SAMSN1: variants seen among roughly 807,000 people sequenced by gnomAD.
SAMSN1 encodes the protein SAM domain-containing protein SAMSN-1.
A neutral mutation model predicts 42.0 loss-of-function variants in SAMSN1; 31 were observed. The ratio of observed to expected loss-of-function variants is 0.74; its 90% CI spans 0.55 to 1.00. The LOEUF is 1.00. Ranked by LOEUF, SAMSN1 falls within the 50% of genes least tolerant of loss-of-function variation. The probability of loss-of-function intolerance (pLI) is 0.00; values close to 1 mark genes in which losing one functional copy is unlikely to be tolerated. For synonymous variants in SAMSN1, 178 were observed against 151.9 expected (o/e 1.17, Z -1.26); for missense variants, 464 against 439.4 (o/e 1.06, Z -0.50).
chr21:14,505,837 C>T, intron 5 of SAMSN1, among the ~76,000 whole-genome samples: 1 of 152,184 alleles, frequency 6.6e-6, no homozygotes, highest in Non-Finnish European at 1.5e-5. Flanking sequence ...TAAGATAGAC[C>T]ATATGATAGG....
chr21:14,567,848 T>C (rs1981170736), intron 2 of SAMSN1, among the ~76,000 whole-genome samples: 1 of 152,082 alleles, frequency 6.6e-6, no homozygotes, highest in Non-Finnish European at 1.5e-5. Flanking sequence ...AAAATTCAAT[T>C]GCCTACTTTA....
At chr21:14,626,526 A>G (rs1983177640) in intron 2 of SAMSN1, among the ~76,000 whole-genome samples, 1 of 152,254 alleles carries the variant, frequency 6.6e-6, no homozygotes. Context: ...GACACATGAA[A>G]AAATGCTCAT....
In SAMSN1 at chr21:14,485,799, A is replaced by G. The variant is rs1361657046; in HGVS notation, c.*113T>C. ...CAATTATTCAGATTAAAACATTTAA[A>G]CTTTAGGTTTTATTTACAAATATTT... On this transcript the variant is annotated 3_prime_UTR_variant, in exon 8 of 8. Coordinates refer to ENST00000400566, the MANE Select transcript of SAMSN1 (RefSeq NM_022136.5). The G allele has an allele frequency of 3.3e-5, 27 of 812,548 alleles. No individual in the cohort carries two copies. The South Asian group carries it at 4.4e-4, about 13-fold the overall frequency. 50.3% of individuals were successfully genotyped at this position (812,548 alleles called of 1,614,324 possible). A position where few individuals can be genotyped will look rare whatever the true frequency, so the allele number is the denominator to read the frequency against.
chr21:14,495,207 G>A (rs558376731), intron 7 of SAMSN1, among the ~76,000 whole-genome samples: 2 of 152,256 alleles, frequency 1.3e-5, no homozygotes, highest in Admixed American at 1.3e-4. Flanking sequence ...TATACTCAAG[G>A]TCTTTATCAT....
At chr21:14,506,119 G>C (rs1987389606) in intron 5 of SAMSN1, among the ~76,000 whole-genome samples, 1 of 152,022 alleles carries the variant, frequency 6.6e-6, no homozygotes, top group Non-Finnish European at 1.5e-5. Flanking sequence ...ACATCAAAAG[G>C]TCTGAAAGAG....
chr21:14,510,282 C>A, intron 5 of SAMSN1, 28 bp downstream of exon 5: 1 of 1,609,220 alleles, frequency 6.2e-7, no homozygotes. Flanking sequence ...ACAGACCATT[C>A]AGAAGGTGGG....
chr21:14,649,288 G>A (rs1357823822), intron 1 of SAMSN1, among the ~76,000 whole-genome samples: 4 of 129,730 alleles, frequency 3.1e-5, no homozygotes, highest in Non-Finnish European at 4.9e-5. Context: ...GGGGGGAGGG[G>A]GGGAGGGATA....
intron 2 of SAMSN1, among the ~76,000 whole-genome samples, chr21:14,568,059 C>T (rs947517561): frequency 6.6e-6 from 1 of 152,106 alleles, no homozygotes; most frequent in African/African-American, 2.4e-5. Flanking sequence ...GATGTCCATT[C>T]TAGAAATTCT....
At position 14,580,284 on chromosome 21, in the gene SAMSN1, T is replaced by C. The variant is rs1037093533; in HGVS notation, c.261+1852A>G. On this transcript the variant is annotated intron_variant, in intron 2 of 8. Coordinates refer to the SAMSN1 transcript ENST00000285670. ...GCATAGGAAATCAATAAGGTGGGGG[T>C]AGTGCACAGATAAGACTGAAAAATT... Among the ~76,000 whole-genome samples, 4 of 152,014 alleles carry C rather than the reference T, an allele frequency of 2.6e-5. No individual in the cohort carries two copies. The East Asian group carries it at 7.7e-4, about 29-fold the overall frequency.
intron 3 of SAMSN1, among the ~76,000 whole-genome samples, chr21:14,513,704 T>C (rs1347216986): frequency 6.6e-6 from 1 of 152,198 alleles, no homozygotes; most frequent in East Asian, 1.9e-4. Context: ...TGCCATACAG[T>C]AATATATGCC....
At chr21:14,623,184 A>G (rs1199742335) in intron 2 of SAMSN1, among the ~76,000 whole-genome samples, 1 of 152,236 alleles carries the variant, frequency 6.6e-6, no homozygotes, top group East Asian at 1.9e-4. Flanking sequence ...TGTAAAGACC[A>G]TCAATGCTAG....
chr21:14,627,286 A>AG (rs397715092), intron 2 of SAMSN1, among the ~76,000 whole-genome samples: 4 of 151,314 alleles, frequency 2.6e-5, no homozygotes, highest in Admixed American at 2.0e-4. Context: ...TGAAAAAAAA[A>AG]GCAATATAAA....
chr21:14,510,564 A>G, intron 4 of SAMSN1, 103 bp from the exon 5 acceptor site: 1 of 1,306,440 alleles, frequency 7.7e-7, no homozygotes, highest in Non-Finnish European at 1.1e-6. Context: ...ACTGGATGCC[A>G]GGCTCCTGAG....
upstream of SAMSN1, chr21:14,585,443 T>C (rs1186092711): frequency 1.3e-5 from 2 of 152,238 alleles, no homozygotes; most frequent in South Asian, 4.1e-4. Flanking sequence ...TTTCACTTAA[T>C]GTGGAGAAAG....
chr21:14,594,120 A>C (rs769073434), intron 6 of SAMSN1: 26 of 649,330 alleles, frequency 4.0e-5, no homozygotes, highest in Non-Finnish European at 6.8e-5. Context: ...TAATGTTAAC[A>C]TTCTTTAAAA....
intron 1 of SAMSN1, among the ~76,000 whole-genome samples, chr21:14,532,373 G>A (rs1055183028): frequency 6.6e-6 from 1 of 152,230 alleles, no homozygotes; most frequent in South Asian, 2.1e-4. Context: ...TTTATGTGGG[G>A]GCAAATATAT....
intron 4 of SAMSN1, chr21:14,612,546 C>G: frequency 2.2e-6 from 1 of 464,644 alleles, no homozygotes; most frequent in South Asian, 1.7e-5. Flanking sequence ...ATTCACAGAT[C>G]TAAAATGATC....
At chr21:14,553,545 C>CT (rs1236021468) in intron 2 of SAMSN1, among the ~76,000 whole-genome samples, 1 of 152,138 alleles carries the variant, frequency 6.6e-6, no homozygotes, top group Non-Finnish European at 1.5e-5. Context: ...CCAATTATCT[C>CT]TGGTCTAAGT....
chr21:14,548,185 G>T (rs1980487468), upstream of SAMSN1, among the ~76,000 whole-genome samples: 1 of 152,146 alleles, frequency 6.6e-6, no homozygotes, highest in African/African-American at 2.4e-5. Context: ...TAATTATGGA[G>T]TTCAATCAGT....
Sources: gnomAD v4.1 joint callset for allele counts (sites outside exome capture counted in the v4.1 genomes callset) on GRCh38, gnomAD v4.1.1 for gene constraint, MANE v1.5 for transcripts, NCBI Gene and HGNC (gene_info 2026-07-23, HGNC 2026-07-21) for gene names.